The following IQCN variants were observed in gnomAD, a reference collection of about 807,000 sequenced individuals.
IQCN encodes the protein IQ motif containing N.
A neutral mutation model predicts 64.4 loss-of-function variants in IQCN; 46 were observed. That is an observed-to-expected ratio of 0.71 (90% CI 0.56 to 0.91). The LOEUF is 0.91. IQCN is among the 40% of genes least tolerant of loss of function. The pLI, the probability that IQCN is intolerant of heterozygous loss-of-function variation, is 0.00. For missense variants in IQCN, 1,753 were observed against 1,857.4 expected (o/e 0.94, Z 1.03); for synonymous variants, 733 against 775.6 (o/e 0.95, Z 0.91).
rs1462554435 is a variant in IQCN at position 18,257,788 on chromosome 19, T to TGGTC, written c.3492_3495dup (p.Ile1166AspfsTer39). On this transcript the variant is annotated frameshift_variant, in exon 4 of 4. Coordinates refer to ENST00000392413, the MANE Select transcript of IQCN (RefSeq NM_001145304.2). LOFTEE classifies it low-confidence loss of function (END_TRUNC). ...CTGTAGCCGCGCCAGGCAGACTGGA[T>TGGTC]GGTCGTGGTGGCTCTGCAGAGGTGT... 6.2e-7 allele frequency: 1 copy of TGGTC among 1,610,888 alleles called. No individual in the cohort carries two copies. The highest frequency in any genetic ancestry group is 1.3e-5 in the African/African-American group (1 of 74,888).
chr19:18,257,944 T>G lies in IQCN; in HGVS notation c.3340A>C (p.Ile1114Leu). The G allele has an allele frequency of 6.2e-7, 1 of 1,612,872 alleles. No homozygotes were observed. Among genetic ancestry groups the G allele is most frequent in the East Asian group, 2.2e-5 (1 of 44,866 alleles). Residue 1114 changes from isoleucine (I) to leucine (L), a missense_variant, in exon 4 of 4, where the codon ATC becomes CTC. Ile to Leu is a conservative substitution (Grantham distance 5). Transcript: ENST00000392413. ...GCCTGGATAGTGATCACTGCGAGGATGCGGATCTCCTCTGCAGCCTGCATG... is the reference window on the plus strand; with the variant it reads ...GCCTGGATAGTGATCACTGCGAGGAGGCGGATCTCCTCTGCAGCCTGCATG... ...VSMQAAEEIR[I>L]LAVITIQAGV...
In IQCN at chr19:18,267,475, G is replaced by A; in HGVS notation, c.65C>T (p.Thr22Ile). 1 of 1,531,782 alleles carries A rather than the reference G, an allele frequency of 6.5e-7. No individual in the cohort carries two copies. Among genetic ancestry groups the A allele is most frequent in the Non-Finnish European group, 8.8e-7 (1 of 1,142,742 alleles). 94.9% of individuals were successfully genotyped at this position (1,531,782 alleles called of 1,614,324 possible). ...NQGNAAGRLA[T>I]VHEPVVTQWA... is the part of the protein sequence containing the mutation. ...CTGGGTGACAACTGGCTCGTGAACT[G>A]TAGCTAGGCGGCCGGCTGCATTGCC... Residue 22 changes from threonine (T) to isoleucine (I), a missense_variant, in exon 3 of 4, where the codon ACA (threonine) becomes ATA (isoleucine). By Grantham distance (89) the Thr-to-Ile change is moderately conservative (BLOSUM62 -1). Transcript: ENST00000392413.
intron 1 of IQCN, among the ~76,000 whole-genome samples, chr19:18,270,051 TAAAAAAAAAAAAAAAAAA>T: frequency 1.3e-5 from 1 of 75,830 alleles, no homozygotes; most frequent in East Asian, 4.1e-4. Flanking sequence ...AACTGTCTCT[TAAAAAAAAAAAAAAAAAA>T]AAAAAAAAAT....
In IQCN at chr19:18,265,884, G is replaced by C. The variant is rs200732062; in HGVS notation, c.1656C>G (p.Pro552=). Residue 552 remains proline, a synonymous_variant, in exon 3 of 4, where the codon CCC becomes CCG. Transcript: ENST00000392413. The surrounding 1 kb of genome is among the most constrained non-coding windows in gnomAD (Gnocchi z 4.7). ...NTSGSIHENP[P]KAKATVNVKQ... ...TCACATTCACGGTGGCCTTGGCCTT[G>C]GGTGGGTTCTCATGGATGGAGCCTG... 2.5e-6 allele frequency: 4 copies of C among 1,614,208 alleles called. No homozygotes were observed. In the African/African-American group the frequency reaches 5.3e-5, roughly 22 times the overall value.
Position 18,266,498 on chromosome 19 carries a change from C to A in IQCN, c.1042G>T (p.Val348Leu), listed in dbSNP as rs770138748. Reference sequence around the variant, plus strand: ...GCTGGATATGTCTGTGGCAGGGTCACGGAGACCACTGGATATGTCTGGAGT... The same window carrying A: ...GCTGGATATGTCTGTGGCAGGGTCAAGGAGACCACTGGATATGTCTGGAGT... ...TLLQTYPVVSVTLPQTYPAST... is the reference protein window; with the variant it reads ...TLLQTYPVVSLTLPQTYPAST... The change falls in exon 3 of 4, where the codon GTG becomes TTG. Residue 348 changes from valine (V) to leucine (L), a missense_variant. Physicochemically the swap from Val to Leu is conservative, Grantham distance 32. Coordinates refer to ENST00000392413, the MANE Select transcript of IQCN (RefSeq NM_001145304.2). The surrounding 1 kb of genome is among the most constrained non-coding windows in gnomAD (Gnocchi z 4.3). The A allele has an allele frequency of 3.1e-6, 5 of 1,599,424 alleles. No homozygotes were observed. The highest frequency in any genetic ancestry group is 4.3e-6 in the Non-Finnish European group (5 of 1,171,824).
chr19:18,262,391 T>G (rs971434565), intron 3 of IQCN: 5 of 152,758 alleles, frequency 3.3e-5, no homozygotes, highest in Non-Finnish European at 7.3e-5. Context: ...AGTCTGGACT[T>G]GGAGACACCC....
At position 18,267,390 on chromosome 19, in the gene IQCN, C is replaced by T. The variant is rs749817690; in HGVS notation, c.150G>A (p.Ala50=). ...GGCCCTCGTGCTGGGGCTGTGGAGG[C>T]GCTTTCTCCATTTTGTCCAGGAGAC... ...HPSLLDKMEK[A]PPQPQHEGLK... is the part of the protein sequence containing the mutation. Residue 50 remains alanine (A), a synonymous_variant, in exon 3 of 4, where the codon GCG becomes GCA. Coordinates refer to ENST00000392413, the MANE Select transcript of IQCN (RefSeq NM_001145304.2). The T allele has an allele frequency of 1.7e-5, 28 of 1,601,648 alleles. 1 individual carries two copies. In the Admixed American group the frequency reaches 3.6e-4, roughly 21 times the overall value.
rs1486617892 is a variant in IQCN, at chr19:18,264,971, C to A, written c.2569G>T (p.Ala857Ser). ...GCCTGGCCGGGCATTGATGGCTGGG[C>A]ACGTGTGGCTCCGTTGTCTCCCCAG... ...ESWGDNGATR[A>S]QPSMPGQAVP... Residue 857 changes from alanine (A) to serine (S), a missense_variant, in exon 3 of 4, where the codon GCC becomes TCC. Physicochemically the swap from Ala to Ser is moderately conservative, Grantham distance 99 (BLOSUM62 1). Coordinates refer to ENST00000392413, the MANE Select transcript of IQCN (RefSeq NM_001145304.2). The surrounding 1 kb of genome is among the most constrained non-coding windows in gnomAD (Gnocchi z 4.3). The A allele has an allele frequency of 1.9e-6, 3 of 1,608,694 alleles. No individual in the cohort carries two copies. The African/African-American group carries it at 4.0e-5, about 21-fold the overall frequency.
At position 18,264,693 on chromosome 19, in the gene IQCN, G is replaced by A. The variant is rs1297250420; in HGVS notation, c.2847C>T (p.Thr949=). 3.9e-6 allele frequency: 6 copies of A among 1,551,092 alleles called. No individual in the cohort carries two copies. Among genetic ancestry groups the A allele is most frequent in the African/African-American group, 1.4e-5 (1 of 73,044 alleles). Residue 949 remains threonine (T), a synonymous_variant, in exon 3 of 4, where the codon ACC becomes ACT. Transcript: ENST00000392413. This position sits in a 1 kb window ranked among gnomAD's most constrained non-coding sequence, Gnocchi z 4.3. ...KALSWSELRL[T]LSRALSRGEL... is the part of the protein sequence containing the mutation. Reference sequence around the variant, plus strand: ...CGCCCCGGGACAGGGCTCGGGACAGGGTCAGGCGCAGCTCACTCCAGGACA... The same window carrying A: ...CGCCCCGGGACAGGGCTCGGGACAGAGTCAGGCGCAGCTCACTCCAGGACA...
In IQCN at chr19:18,266,164, G is replaced by C; in HGVS notation, c.1376C>G (p.Pro459Arg). 1 of 1,614,118 alleles carries C rather than the reference G, an allele frequency of 6.2e-7. No homozygotes were observed. Among genetic ancestry groups the C allele is most frequent in the Non-Finnish European group, 8.5e-7 (1 of 1,180,036 alleles). The change falls in exon 3 of 4, where the codon CCG becomes CGG. Residue 459 changes from proline (P) to arginine (R), a missense_variant. Pro to Arg is a moderately radical substitution (Grantham distance 103, BLOSUM62 -2). Transcript: ENST00000392413. This position sits in a 1 kb window ranked among gnomAD's most constrained non-coding sequence, Gnocchi z 4.3. ...TGGGTTTTTGGCTGGGGTGGTGACC[G>C]GGTGCATCTGGGGTGGGGTCTTTGC... Reference protein sequence around the residue: ...AMAKTPPQMHPVTTPAKNPLQ... With the variant: ...AMAKTPPQMHRVTTPAKNPLQ...
Position 18,271,322 on chromosome 19 carries a change from T to G in IQCN, c.-109-1735A>C, listed in dbSNP as rs184181062. Among the ~76,000 whole-genome samples the G allele has an allele frequency of 6.6e-5, 10 of 151,574 alleles. No individual in the cohort carries two copies. The East Asian group carries it at 1.9e-3, about 29-fold the overall frequency. ...CTGTCTCTACTAAAAATACAAAAAT[T>G]AGCCAGGTATGATGGCAGGTGCCTG... is the stretch of plus-strand genomic sequence containing the variant. On this transcript the variant is annotated intron_variant, in intron 1 of 3. Transcript: ENST00000392413.
At chr19:18,272,287 C>G (rs1416963643) in intron 1 of IQCN, among the ~76,000 whole-genome samples, 1 of 151,682 alleles carries the variant, frequency 6.6e-6, no homozygotes, top group Admixed American at 6.6e-5. Flanking sequence ...GCCACCACGC[C>G]TAGCAAATTT....
rs763682459 is a variant in IQCN, at chr19:18,265,868, CG to C, written c.1671del (p.Val558Ter). ...IHENPPKAKATVNVKQAAKVV... is the reference protein window; with the variant it reads ...IHENPPKAKAXVNVKQAAKVV... ...ACCTTTGCAGCCTGCTTCACATTCA[CG>C]GTGGCCTTGGCCTTGGGTGGGTTCT... On this transcript the variant is annotated frameshift_variant, in exon 3 of 4. Transcript: ENST00000392413. LOFTEE classifies it high-confidence loss of function. This position sits in a 1 kb window ranked among gnomAD's most constrained non-coding sequence, Gnocchi z 4.7. The C allele has an allele frequency of 1.4e-5, 22 of 1,614,074 alleles. No individual in the cohort carries two copies. Among genetic ancestry groups the C allele is most frequent in the Non-Finnish European group, 1.9e-5 (22 of 1,180,042 alleles).
rs1475879476 is a variant in IQCN, at chr19:18,264,924, C to T, written c.2616G>A (p.Thr872=). ...PGQAVPCQED[T]VGSLLASLCA... Reference sequence around the variant, plus strand: ...ACAAGGAGGCCAGCAGGGAGCCTACCGTGTCCTCCTGGCAGGGCACCGCCT... The same window carrying T: ...ACAAGGAGGCCAGCAGGGAGCCTACTGTGTCCTCCTGGCAGGGCACCGCCT... Residue 872 remains threonine, a synonymous_variant, in exon 3 of 4, where the codon ACG becomes ACA. Coordinates refer to ENST00000392413, the MANE Select transcript of IQCN (RefSeq NM_001145304.2). The surrounding 1 kb of genome is among the most constrained non-coding windows in gnomAD (Gnocchi z 4.3). 9.3e-6 allele frequency: 15 copies of T among 1,613,172 alleles called. No homozygotes were observed. The highest frequency in any genetic ancestry group is 3.3e-5 in the South Asian group (3 of 91,084).
Position 18,266,027 on chromosome 19 carries a change from G to A in IQCN, c.1513C>T (p.Pro505Ser). ...GTGGCCACCGAGCGTAACTGGGCTG[G>A]GGTCTTGGTTATCATGGCTGGCAGG... ...TRLPAMITKT[P>S]AQLRSVATIL... The change falls in exon 3 of 4, where the codon CCA becomes TCA. Residue 505 changes from proline (P) to serine (S), a missense_variant. Physicochemically the swap from Pro to Ser is moderately conservative, Grantham distance 74. Coordinates refer to ENST00000392413, the MANE Select transcript of IQCN (RefSeq NM_001145304.2). The surrounding 1 kb of genome is among the most constrained non-coding windows in gnomAD (Gnocchi z 4.3). 3 of 1,614,184 alleles carry A rather than the reference G, an allele frequency of 1.9e-6. No homozygotes were observed. The highest frequency in any genetic ancestry group is 2.2e-5 in the South Asian group (2 of 91,076).
chr19:18,257,284 A>G lies in IQCN; in HGVS notation c.4000T>C (p.Trp1334Arg). 6.2e-7 allele frequency: 1 copy of G among 1,613,700 alleles called. No homozygotes were observed. Among genetic ancestry groups the G allele is most frequent in the Non-Finnish European group, 8.5e-7 (1 of 1,180,026 alleles). The change falls in exon 4 of 4, where the codon TGG becomes CGG. Residue 1334 changes from tryptophan (W) to arginine (R), a missense_variant. Physicochemically the swap from Trp to Arg is moderately radical, Grantham distance 101 (BLOSUM62 -3). Transcript: ENST00000392413. ...QMAAKIVQAT[W>R]RGHHTRSCLK... ...CAGCTCCGGGTATGGTGGCCTCGCC[A>G]GGTGGCTTGAACTATCTTCGCTGCC...
chr19:18,265,971 T>TG lies in IQCN; in HGVS notation c.1568dup (p.Thr524AsnfsTer26), dbSNP rs1166249232. 1.9e-6 allele frequency: 3 copies of TG among 1,614,094 alleles called. No homozygotes were observed. The highest frequency in any genetic ancestry group is 2.5e-6 in the Non-Finnish European group (3 of 1,179,992). On this transcript the variant is annotated frameshift_variant, in exon 3 of 4. Transcript: ENST00000392413. LOFTEE classifies it high-confidence loss of function. The surrounding 1 kb of genome is among the most constrained non-coding windows in gnomAD (Gnocchi z 4.7). ...GTGGAGCCTTGACATTTGCCACTGT[T>TG]GGAGAGGCCAGACACAGAGTCTTGA...
intron 1 of IQCN, among the ~76,000 whole-genome samples, 162 bp from the exon 2 acceptor site, chr19:18,269,749 C>G (rs1183644329): frequency 6.7e-6 from 1 of 149,664 alleles, no homozygotes; most frequent in Non-Finnish European, 1.5e-5. Flanking sequence ...AACAAAACAA[C>G]TGGAAATAAC....
rs765092990 is a variant in IQCN, at chr19:18,258,071, C to T, written c.3213G>A (p.Ser1071=). 1.6e-5 allele frequency: 25 copies of T among 1,612,002 alleles called. No individual in the cohort carries two copies. Among genetic ancestry groups the T allele is most frequent in the Non-Finnish European group, 2.0e-5 (24 of 1,180,018 alleles). The change falls in exon 4 of 4, where the codon TCG becomes TCA. Residue 1071 remains serine, a synonymous_variant. Coordinates refer to ENST00000392413, the MANE Select transcript of IQCN (RefSeq NM_001145304.2). ...PADAGVVGGQ[S]WNRAWEPARG... is the part of the protein sequence containing the mutation. ...TGGCTGGCTCCCATGCGCGGTTCCA[C>T]GATTGGCCACCAACCACACCAGCGT...
Sources: allele counts gnomAD v4.1 joint callset (sites outside exome capture counted in the v4.1 genomes callset), GRCh38; gene constraint gnomAD v4.1.1; non-coding constraint Gnocchi (gnomAD v3.1); transcripts MANE v1.5; gene names NCBI Gene and HGNC (gene_info 2026-07-23, HGNC 2026-07-21).